The following TUBGCP6 variants were observed in gnomAD, a reference collection of about 807,000 sequenced individuals.
The protein encoded by TUBGCP6 is tubulin gamma complex component 6, also known as gamma-tubulin complex component 6.
TUBGCP6 carries 161 observed loss-of-function variants against 175.8 expected under a neutral mutation model. That is an observed-to-expected ratio of 0.92 (90% CI 0.81 to 1.04). The LOEUF is 1.04. TUBGCP6 is among the 50% of genes least tolerant of loss of function. The pLI is 0.00. For missense variants in TUBGCP6, 2,572 were observed against 2,433.0 expected, an observed-to-expected ratio of 1.06 and a Z score of -1.20; for synonymous variants, 1,173 against 1,030.5, an observed-to-expected ratio of 1.14 and a Z score of -2.65.
At chr22:50,219,845 C>A in intron 17 of TUBGCP6, 54 bp from the exon 18 acceptor site, 1 of 1,603,328 alleles carries the variant, frequency 6.2e-7, no homozygotes, top group South Asian at 1.1e-5. Flanking sequence ...GTCCCCACAA[C>A]CAGCTTGTGC....
chr22:50,231,726 G>GTC (rs1488979316), intron 3 of TUBGCP6, among the ~76,000 whole-genome samples: 1 of 151,542 alleles, frequency 6.6e-6, no homozygotes, highest in Non-Finnish European at 1.5e-5. Context: ...GGGCGCGGTG[G>GTC]CGGGTGCCTG....
Position 50,243,821 on chromosome 22 carries a change from C to A in TUBGCP6, c.639G>T (p.Ser213=). The part of the protein sequence containing the change: ...GDRFERDTRV[S]LFGALVHSRT... The stretch of plus-strand genomic sequence containing the variant: ...GGCTGTGCACAAGGGCCCCGAAGAG[C>A]GAGACCCGGGTGTCTCTCTCGAACC... Residue 213 remains serine, a synonymous_variant, in exon 1 of 25, where the codon TCG becomes TCT. Coordinates refer to ENST00000248846, the MANE Select transcript of TUBGCP6 (RefSeq NM_020461.4). The A allele has an allele frequency of 6.2e-7, 1 of 1,613,510 alleles. No homozygotes were observed. Among genetic ancestry groups the A allele is most frequent in the Non-Finnish European group, 8.5e-7 (1 of 1,179,974 alleles).
chr22:50,242,333 T>C (rs2064850304), intron 1 of TUBGCP6, among the ~76,000 whole-genome samples: 1 of 151,024 alleles, frequency 6.6e-6, no homozygotes, highest in Non-Finnish European at 1.5e-5. Flanking sequence ...AATACAAACA[T>C]ATAAAATACA....
At position 50,222,507 on chromosome 22, in the gene TUBGCP6, G is replaced by C; in HGVS notation, c.2356C>G (p.Arg786Gly). The C allele has an allele frequency of 6.2e-7, 1 of 1,613,754 alleles. No homozygotes were observed. The highest frequency in any genetic ancestry group is 8.5e-7 in the Non-Finnish European group (1 of 1,180,022). The change falls in exon 14 of 25, where the codon CGA becomes GGA. Residue 786 changes from arginine to glycine, a missense_variant. Transcript: ENST00000248846. ...QKALWRIQRH[R>G]LESARLRFLL... ...AAACGAAGCCGTGCACTCTCCAGTC[G>C]GTGCCTCTGGATTCTCCACAGTGCC... is the stretch of plus-strand genomic sequence containing the variant.
intron 4 of TUBGCP6, 90 bp from the exon 5 acceptor site, chr22:50,228,118 C>A: frequency 7.2e-7 from 1 of 1,390,384 alleles, no homozygotes; most frequent in South Asian, 1.5e-5. Flanking sequence ...GGGAACAGCG[C>A]TTTGTTTCTT....
intron 1 of TUBGCP6, among the ~76,000 whole-genome samples, chr22:50,242,593 G>A (rs1224147606): frequency 2.0e-5 from 3 of 152,216 alleles, no homozygotes; most frequent in South Asian, 2.1e-4. Context: ...AGAACGACTA[G>A]TAACAATGTA....
At chr22:50,243,401 C>T (rs1162854080) in intron 1 of TUBGCP6, among the ~76,000 whole-genome samples, 3 of 149,660 alleles carry the variant, frequency 2.0e-5, no homozygotes, top group Non-Finnish European at 3.0e-5. Context: ...TACAGTGAGC[C>T]GAGATCGCGC....
intron 1 of TUBGCP6, 81 bp downstream of exon 1, chr22:50,243,631 AAAAGAAG>A: frequency 1.7e-6 from 2 of 1,144,696 alleles, no homozygotes; most frequent in Non-Finnish European, 2.4e-6. Flanking sequence ...AAAAAAAAAA[AAAAGAAG>A]AAGAAGAAGA....
intron 10 of TUBGCP6, among the ~76,000 whole-genome samples, 181 bp from the exon 11 acceptor site, chr22:50,224,773 G>C (rs979907780): frequency 6.6e-6 from 1 of 152,040 alleles, no homozygotes. Flanking sequence ...CAGGTGTAGT[G>C]GCAGGTGCCT....
intron 2 of TUBGCP6, among the ~76,000 whole-genome samples, chr22:50,236,378 G>T (rs56075714): frequency 0.012 from 1,793 of 152,070 alleles, 37 homozygotes; most frequent in African/African-American, 0.042. Context: ...CTCGTGATCC[G>T]CCCACCTCAG....
rs565592579 is a variant in TUBGCP6, at chr22:50,227,720, A to G, written c.1412+187T>C. On this transcript the variant is annotated intron_variant, in intron 5 of 24. Coordinates refer to ENST00000248846, the MANE Select transcript of TUBGCP6 (RefSeq NM_020461.4). ...GGATGGGGCCAGCTGTGGTGGGCCC[A>G]CGGCAGACACACCCGCTCAGCACCG... Among the ~76,000 whole-genome samples the G allele has an allele frequency of 8.5e-5, 13 of 152,226 alleles. No homozygotes were observed. The South Asian group carries it at 2.7e-3, about 32-fold the overall frequency.
chr22:50,218,233 C>G lies in TUBGCP6; in HGVS notation c.5124G>C (p.Glu1708Asp), dbSNP rs2064451235. The G allele has an allele frequency of 1.9e-6, 3 of 1,612,910 alleles. No homozygotes were observed. The highest frequency in any genetic ancestry group is 1.3e-5 in the African/African-American group (1 of 75,060). ...ARLATVGDLE[E>D]IQRAHAEYLH... ...GGTACTCTGCGTGCGCACGCTGGAT[C>G]TCCTCCAGGTCGCCCACGGTGGCCA... The change falls in exon 23 of 25, where the codon GAG becomes GAC. Residue 1708 changes from glutamate (E) to aspartate (D), a missense_variant. Physicochemically the swap from Glu to Asp is conservative, Grantham distance 45. Transcript: ENST00000248846.
At chr22:50,233,206 C>T in intron 3 of TUBGCP6, 110 bp downstream of exon 3, 2 of 1,309,076 alleles carry the variant, frequency 1.5e-6, no homozygotes, top group African/African-American at 1.5e-5. Flanking sequence ...TTCCCTGCCA[C>T]TCCCCACTCC....
Position 50,220,030 on chromosome 22 carries a change from G to A in TUBGCP6, c.4109-15C>T, listed in dbSNP as rs375920430. On this transcript the variant is annotated splice_polypyrimidine_tract_variant and intron_variant, in intron 16 of 24. Coordinates refer to ENST00000248846, the MANE Select transcript of TUBGCP6 (RefSeq NM_020461.4). ...CCTCCCAGGGCCTGTGTGGACACAA[G>A]TGGACACGAGGGCATCAGGGCCGAG... The A allele has an allele frequency of 2.5e-6, 4 of 1,612,670 alleles. No individual in the cohort carries two copies. The highest frequency in any genetic ancestry group is 1.3e-5 in the African/African-American group (1 of 74,878).
chr22:50,220,451 T>C lies in TUBGCP6; in HGVS notation c.3908A>G (p.Gln1303Arg). ...PQQSPPGHTS[Q>R]SALSLGAQST... ...CTGTGCTCCCAGGCTGAGCGCTGAC[T>C]GGGACGTGTGGCCAGGGGGGCTCTG... The change falls in exon 16 of 25, where the codon CAG becomes CGG. Residue 1303 changes from glutamine to arginine, a missense_variant. Transcript: ENST00000248846. 1 of 1,612,740 alleles carries C rather than the reference T, an allele frequency of 6.2e-7. No homozygotes were observed. Among genetic ancestry groups the C allele is most frequent in the Non-Finnish European group, 8.5e-7 (1 of 1,179,814 alleles).
chr22:50,220,182 G>A (rs760220342), intron 16 of TUBGCP6, 69 bp downstream of exon 16: 6 of 1,548,788 alleles, frequency 3.9e-6, no homozygotes, highest in Non-Finnish European at 3.5e-6. Context: ...CAACCCCACT[G>A]CCCGCCTACC....
At chr22:50,237,934 C>G (rs542300079) in intron 2 of TUBGCP6, among the ~76,000 whole-genome samples, 6 of 152,218 alleles carry the variant, frequency 3.9e-5, no homozygotes, top group African/African-American at 1.4e-4. Flanking sequence ...ACCAGCCTGA[C>G]CAACATGGAG....
rs200297857 is a variant in TUBGCP6, at chr22:50,235,024, CCT to C, written c.906-1500_906-1499del. Reference sequence around the variant, plus strand: ...CCCCTATCCACGGCAGCATCCACCCCCTGTCCACGGCAGCATCAGCCACACCC... The same window carrying C: ...CCCCTATCCACGGCAGCATCCACCCCGTCCACGGCAGCATCAGCCACACCC... On this transcript the variant is annotated intron_variant, in intron 2 of 24. Transcript: ENST00000248846. Among the ~76,000 whole-genome samples, 1,413 of 151,856 alleles carry C rather than the reference CCT, an allele frequency of 9.3e-3. 62 individuals are homozygous for C. The highest frequency in any genetic ancestry group is 0.077 in the Admixed American group (1,165 of 15,198).
In TUBGCP6 at chr22:50,218,959, A is replaced by AC; in HGVS notation, c.4627-63dup. ...AAGCACATGCCTGGCACTCGCCGGC[A>AC]CCCCATGGGGCTGTGCCAGAGCAGC... On this transcript the variant is annotated intron_variant, in intron 20 of 24. Coordinates refer to ENST00000248846, the MANE Select transcript of TUBGCP6 (RefSeq NM_020461.4). 10 of 1,585,210 alleles carry AC rather than the reference A, an allele frequency of 6.3e-6. No homozygotes were observed. The South Asian group carries it at 8.0e-5, about 13-fold the overall frequency.
Sources: allele counts gnomAD v4.1 joint callset (sites outside exome capture counted in the v4.1 genomes callset), GRCh38; gene constraint gnomAD v4.1.1; transcripts MANE v1.5; gene names NCBI Gene and HGNC (gene_info 2026-07-23, HGNC 2026-07-21).